Variants in SLC1A4 observed in about 807,000 individuals in gnomAD.
SLC1A4 encodes neutral amino acid transporter A.
In SLC1A4, 19 loss-of-function variants were observed where a neutral mutation model predicts 37.7. The observed-to-expected ratio is 0.50, with a 90% confidence interval of 0.35 to 0.74. The LOEUF is 0.74. SLC1A4 is among the 30% of genes least tolerant of loss of function. The pLI is 0.01. For synonymous variants in SLC1A4, 299 were observed against 309.8 expected (o/e 0.97, Z 0.37); for missense variants, 570 against 712.9 (o/e 0.80, Z 2.28).
At chr2:65,012,234 T>C (rs1222376327) in intron 4 of SLC1A4, among the ~76,000 whole-genome samples, 13 of 151,520 alleles carry the variant, frequency 8.6e-5, no homozygotes, top group Admixed American at 6.6e-4. Flanking sequence ...GGATTACAGA[T>C]GACCGCCACC....
chr2:64,989,335 G>T, upstream of SLC1A4: 1 of 253,470 alleles, frequency 3.9e-6, no homozygotes, highest in Non-Finnish European at 7.5e-6. Context: ...TGAGCGGGCT[G>T]GGGCCGCTGG....
intron 7 of SLC1A4, among the ~76,000 whole-genome samples, chr2:65,019,759 G>T (rs1203508154): frequency 6.6e-6 from 1 of 152,192 alleles, no homozygotes; most frequent in Non-Finnish European, 1.5e-5. Context: ...GCTGACAGAG[G>T]CCCCCTCTCC....
intron 1 of SLC1A4, 83 bp from the exon 2 acceptor site, chr2:65,001,365 G>T: frequency 8.0e-7 from 1 of 1,243,258 alleles, no homozygotes. Flanking sequence ...TCACACCACT[G>T]CACTCCAGCC....
Position 64,990,032 on chromosome 2 carries a change from C to T in SLC1A4, c.389C>T (p.Ala130Val), listed in dbSNP as rs755320367. The change falls in exon 1 of 8, where the codon GCG (alanine) becomes GTG (valine). Residue 130 changes from alanine to valine, a missense_variant. Transcript: ENST00000234256. ...YFGLTTLSASALAVALAFIIK... is the reference protein window; with the variant it reads ...YFGLTTLSASVLAVALAFIIK... The stretch of plus-strand genomic sequence containing the variant: ...GGCCTCACCACACTGAGTGCCTCGG[C>T]GCTCGCCGTGGCCTTGGCGTTCATC... The T allele has an allele frequency of 5.0e-6, 8 of 1,603,768 alleles. No individual in the cohort carries two copies. In the Admixed American group the frequency reaches 1.2e-4, roughly 24 times the overall value.
chr2:65,014,737 G>T (rs978537507), intron 4 of SLC1A4, among the ~76,000 whole-genome samples: 1 of 152,242 alleles, frequency 6.6e-6, no homozygotes, highest in African/African-American at 2.4e-5. Context: ...TAACTTAGCA[G>T]TTCACTTCTT....
At chr2:65,001,555 T>C in intron 2 of SLC1A4, 65 bp downstream of exon 2, 6 of 1,443,344 alleles carry the variant, frequency 4.2e-6, no homozygotes, top group South Asian at 2.3e-5. Flanking sequence ...ATTACTGCTA[T>C]AGAGTTAGGT....
At chr2:64,989,287 T>C, upstream of SLC1A4, 1 of 177,994 alleles carries the variant, frequency 5.6e-6, no homozygotes, top group Non-Finnish European at 1.2e-5. Context: ...GGGCTGTGAT[T>C]GGCCAGCGCC....
At chr2:64,994,010 GT>G (rs1334572529) in intron 1 of SLC1A4, among the ~76,000 whole-genome samples, 3 of 152,216 alleles carry the variant, frequency 2.0e-5, no homozygotes, top group African/African-American at 7.2e-5. Context: ...GAAGAGGAAT[GT>G]TTAGGGGAAC....
chr2:64,994,093 C>G (rs1183850512), intron 1 of SLC1A4, among the ~76,000 whole-genome samples: 1 of 152,200 alleles, frequency 6.6e-6, no homozygotes. Flanking sequence ...GAGAAGTGAA[C>G]AGTAACTGAC....
chr2:65,016,926 A>G (rs1015348432), intron 5 of SLC1A4, among the ~76,000 whole-genome samples: 1 of 152,226 alleles, frequency 6.6e-6, no homozygotes, highest in East Asian at 1.9e-4. Flanking sequence ...GATTACAGGC[A>G]TGCACAGCCA....
chr2:65,018,550 C>G lies in SLC1A4; in HGVS notation c.1235C>G (p.Thr412Ser), dbSNP rs1459519595. 4 of 1,614,204 alleles carry G rather than the reference C, an allele frequency of 2.5e-6. No homozygotes were observed. Among genetic ancestry groups the G allele is most frequent in the Non-Finnish European group, 3.4e-6 (4 of 1,180,030 alleles). Residue 412 changes from threonine (T) to serine (S), a missense_variant, in exon 7 of 8, where the codon ACT becomes AGT. By Grantham distance (58) the Thr-to-Ser change is moderately conservative. Transcript: ENST00000234256. This position sits in a 1 kb window ranked among gnomAD's most constrained non-coding sequence, Gnocchi z 4.3. ...NAGQIFTILV[T>S]ATASSVGAAG... ...CCTGCTCTGCCATCCCTTAGAGTGA[C>G]TGCCACAGCGTCCAGTGTTGGAGCA...
Position 64,989,556 on chromosome 2 carries a change from T to C in SLC1A4, c.-88T>C. 1 of 1,255,412 alleles carries C rather than the reference T, an allele frequency of 8.0e-7. No homozygotes were observed. The highest frequency in any genetic ancestry group is 1.0e-6 in the Non-Finnish European group (1 of 968,046). 77.8% of individuals were successfully genotyped at this position (1,255,412 alleles called of 1,614,324 possible). A position where few individuals can be genotyped will look rare whatever the true frequency, so the allele number is the denominator to read the frequency against. On this transcript the variant is annotated 5_prime_UTR_variant, in exon 1 of 8. Coordinates refer to ENST00000234256, the MANE Select transcript of SLC1A4 (RefSeq NM_003038.5). ...CTTCCCAGAACCTGCGGAGCACAAC[T>C]GGCCGACCGACCCATTCATTGGGAA...
At chr2:65,020,328 A>C (rs1674364002) in intron 7 of SLC1A4, among the ~76,000 whole-genome samples, 1 of 152,218 alleles carries the variant, frequency 6.6e-6, no homozygotes, top group Admixed American at 6.5e-5. Context: ...GTGCAATGGC[A>C]TCATCATAGC....
At chr2:65,010,485 G>A (rs1673873626) in intron 3 of SLC1A4, 112 bp from the exon 4 acceptor site, 1 of 849,206 alleles carries the variant, frequency 1.2e-6, no homozygotes, top group Non-Finnish European at 1.8e-6. Context: ...GAAAATATGA[G>A]CTTTTTCTCG....
intron 3 of SLC1A4, among the ~76,000 whole-genome samples, chr2:65,007,343 G>T (rs909182268): frequency 6.6e-6 from 1 of 152,128 alleles, no homozygotes; most frequent in Non-Finnish European, 1.5e-5. Context: ...TTCTGATCAG[G>T]TGAGGGAGGA....
intron 3 of SLC1A4, among the ~76,000 whole-genome samples, chr2:65,006,243 G>C (rs1025314538): frequency 2.6e-5 from 4 of 152,168 alleles, no homozygotes. Flanking sequence ...TGTAATCCCA[G>C]CACTTTGGGA....
chr2:64,989,954 C>A lies in SLC1A4; in HGVS notation c.311C>A (p.Ser104Ter). 6.4e-7 allele frequency: 1 copy of A among 1,574,716 alleles called. No individual in the cohort carries two copies. Among genetic ancestry groups the A allele is most frequent in the East Asian group, 2.3e-5 (1 of 42,744 alleles). Residue 104 changes from serine (S) to a stop codon, truncating the protein, a stop_gained, in exon 1 of 8, where the codon TCG becomes TAG. Coordinates refer to ENST00000234256, the MANE Select transcript of SLC1A4 (RefSeq NM_003038.5). LOFTEE classifies it high-confidence loss of function. ...VVCSLVSGAASLDASCLGRLG... is the reference protein window; with the variant it reads ...VVCSLVSGAA ...TGCAGCCTGGTGTCGGGCGCCGCCT[C>A]GCTCGATGCCAGCTGCCTCGGGCGT...
At chr2:64,996,989 G>T (rs550640643) in intron 1 of SLC1A4, among the ~76,000 whole-genome samples, 16 of 152,288 alleles carry the variant, frequency 1.1e-4, no homozygotes, top group Non-Finnish European at 1.5e-4. Flanking sequence ...GTTTACCGCA[G>T]CATCTGTGTC....
In SLC1A4 at chr2:64,990,046, T is replaced by C; in HGVS notation, c.403T>C (p.Leu135=). ...GAGTGCCTCGGCGCTCGCCGTGGCCTTGGCGTTCATCATCAAGCCAGGATC... is the reference window on the plus strand; with the variant it reads ...GAGTGCCTCGGCGCTCGCCGTGGCCCTGGCGTTCATCATCAAGCCAGGATC... ...TLSASALAVA[L]AFIIKPGSGA... Residue 135 remains leucine (L), a synonymous_variant, in exon 1 of 8, where the codon TTG becomes CTG. Transcript: ENST00000234256. The C allele has an allele frequency of 6.2e-7, 1 of 1,606,672 alleles. No homozygotes were observed. Among genetic ancestry groups the C allele is most frequent in the Non-Finnish European group, 8.5e-7 (1 of 1,176,744 alleles).
Sources: gnomAD v4.1 joint callset for allele counts (sites outside exome capture counted in the v4.1 genomes callset) on GRCh38, gnomAD v4.1.1 for gene constraint, Gnocchi (gnomAD v3.1) non-coding constraint, MANE v1.5 for transcripts, NCBI Gene and HGNC (gene_info 2026-07-23, HGNC 2026-07-21) for gene names.